Variants in PXK observed in about 807,000 individuals in gnomAD.
PXK encodes PX domain containing serine/threonine kinase like.
Under a neutral mutation model 84.7 loss-of-function variants are expected in PXK, and 35 were observed. That is an observed-to-expected ratio of 0.41 (90% CI 0.32 to 0.55). PXK has a LOEUF of 0.55. Among genes scored for constraint, PXK ranks in the 20% least tolerant of loss-of-function variants. PXK has a pLI of 0.21. For synonymous variants in PXK, 253 were observed against 260.8 expected, an observed-to-expected ratio of 0.97 and a Z score of 0.29; for missense variants, 634 against 699.7, an observed-to-expected ratio of 0.91 and a Z score of 1.06.
intron 1 of PXK, among the ~76,000 whole-genome samples, chr3:58,335,228 C>A (rs1045560366): frequency 1.3e-5 from 2 of 152,064 alleles, no homozygotes; most frequent in African/African-American, 4.8e-5. Context: ...AATGGCAGTT[C>A]TTGTAGGGAT....
intron 13 of PXK, 56 bp downstream of exon 13, chr3:58,403,966 G>A (rs1307411945): frequency 8.0e-7 from 1 of 1,250,680 alleles, no homozygotes; most frequent in Non-Finnish European, 1.1e-6. Context: ...GACTTTGAAA[G>A]TTAGCTGTAT....
chr3:58,383,776 CTT>C lies in PXK; in HGVS notation c.388+1078_388+1079del, dbSNP rs2092061203. Among the ~76,000 whole-genome samples the C allele has an allele frequency of 1.3e-5, 2 of 152,198 alleles. No individual in the cohort carries two copies. Among genetic ancestry groups the C allele is most frequent in the Admixed American group, 1.3e-4 (2 of 15,280 alleles). ...TTAAAGAGAAACCATGCTTTAGAGA[CTT>C]TCTAAGTGGAACTATGGATATTGTT... On this transcript the variant is annotated intron_variant, in intron 4 of 17. Transcript: ENST00000356151. The surrounding 1 kb of genome is among the most constrained non-coding windows in gnomAD (Gnocchi z 4.0).
At chr3:58,377,323 T>C (rs1269757193) in intron 3 of PXK, among the ~76,000 whole-genome samples, 2 of 152,196 alleles carry the variant, frequency 1.3e-5, no homozygotes, top group African/African-American at 2.4e-5. Context: ...CCCAATTTAA[T>C]GGTTTAGATT....
At chr3:58,336,478 A>G (rs2097613633) in intron 1 of PXK, among the ~76,000 whole-genome samples, 1 of 152,212 alleles carries the variant, frequency 6.6e-6, no homozygotes, top group South Asian at 2.1e-4. Flanking sequence ...TGAAGCTTCT[A>G]TAAAATCAGA....
In PXK at chr3:58,421,165, G is replaced by A. The variant is rs887686622; in HGVS notation, c.1529-3587G>A. The A allele has an allele frequency of 3.0e-6, 3 of 985,282 alleles. No individual in the cohort carries two copies. Among genetic ancestry groups the A allele is most frequent in the African/African-American group, 1.7e-5 (1 of 57,224 alleles). The allele number at this position is 985,282 out of a possible 1,614,324, so 61.0% of individuals were successfully genotyped here. The stretch of plus-strand genomic sequence containing the variant: ...CTCCTGAGGGTGGCTGGTAAGTCTG[G>A]TGTTACCCTAGTGTGGTCTCATGGC... On this transcript the variant is annotated intron_variant, in intron 17 of 17. Transcript: ENST00000356151. This position sits in a 1 kb window ranked among gnomAD's most constrained non-coding sequence, Gnocchi z 5.5.
At chr3:58,406,784 T>TGACTACTCTA (rs2059480062) in intron 13 of PXK, among the ~76,000 whole-genome samples, 1 of 152,218 alleles carries the variant, frequency 6.6e-6, no homozygotes, top group South Asian at 2.1e-4. Flanking sequence ...TCTGTGATCT[T>TGACTACTCTA]GACTACTCTA....
rs1267524969 is a variant in PXK, at chr3:58,379,017, G to T, written c.202-3497G>T. On this transcript the variant is annotated intron_variant, in intron 3 of 17. Transcript: ENST00000356151. This position sits in a 1 kb window ranked among gnomAD's most constrained non-coding sequence, Gnocchi z 5.1. ...GGCTTACTGCAGCCTCCGCCTCCTGGGTTCAAGCAATTCTCCTGCCTCAGC... is the reference window on the plus strand; with the variant it reads ...GGCTTACTGCAGCCTCCGCCTCCTGTGTTCAAGCAATTCTCCTGCCTCAGC... Among the ~76,000 whole-genome samples, 1 of 151,316 alleles carries T rather than the reference G, an allele frequency of 6.6e-6. No homozygotes were observed. The highest frequency in any genetic ancestry group is 2.1e-4 in the South Asian group (1 of 4,774).
At chr3:58,422,986 C>T in intron 17 of PXK, 1 of 985,366 alleles carries the variant, frequency 1.0e-6, no homozygotes, top group Non-Finnish European at 1.2e-6. Flanking sequence ...TTCCACTGCC[C>T]TTTTCTGGCT....
At chr3:58,392,234 G>A (rs1472749415) in intron 7 of PXK, among the ~76,000 whole-genome samples, 2 of 152,114 alleles carry the variant, frequency 1.3e-5, no homozygotes, top group Admixed American at 6.5e-5. Flanking sequence ...AGGCAAAATA[G>A]CCATTTTTCT....
intron 2 of PXK, 113 bp downstream of exon 2, chr3:58,366,037 A>T: frequency 1.2e-6 from 1 of 853,676 alleles, no homozygotes; most frequent in Non-Finnish European, 1.8e-6. Context: ...CATAAATATA[A>T]ATCATGTTTC....
In PXK at chr3:58,398,293, T is replaced by C. The variant is rs1473459054; in HGVS notation, c.1102+571T>C. Among the ~76,000 whole-genome samples the C allele has an allele frequency of 2.0e-5, 3 of 152,126 alleles. No homozygotes were observed. Among genetic ancestry groups the C allele is most frequent in the Admixed American group, 2.0e-4 (3 of 15,262 alleles). ...GTGCATGCCTGTAATCCCAGCTTTT[T>C]GGGAGGCTGAGGCACGAGAATTGCT... is the stretch of plus-strand genomic sequence containing the variant. On this transcript the variant is annotated intron_variant, in intron 11 of 17. Coordinates refer to ENST00000356151, the MANE Select transcript of PXK (RefSeq NM_017771.5). This position sits in a 1 kb window ranked among gnomAD's most constrained non-coding sequence, Gnocchi z 4.5.
intron 1 of PXK, among the ~76,000 whole-genome samples, chr3:58,352,752 G>A (rs2097958805): frequency 6.6e-6 from 1 of 152,138 alleles, no homozygotes; most frequent in African/African-American, 2.4e-5. Context: ...GGATTTTGGA[G>A]TGCTTCTTTG....
chr3:58,417,264 T>C (rs1446090360), intron 17 of PXK, among the ~76,000 whole-genome samples: 6 of 152,198 alleles, frequency 3.9e-5, no homozygotes, highest in Admixed American at 2.0e-4. Flanking sequence ...ACTCTGGCCT[T>C]TGGCAGTTTG....
Position 58,395,114 on chromosome 3 carries a change from A to G in PXK, c.720+12A>G, listed in dbSNP as rs1448769159. ...ATCTGATCTACAAGGTACCTGTGCA[A>G]GTTCATGGTCATAAGGAATTCTCAA... On this transcript the variant is annotated intron_variant, in intron 8 of 17. Coordinates refer to ENST00000356151, the MANE Select transcript of PXK (RefSeq NM_017771.5). 1 of 1,575,552 alleles carries G rather than the reference A, an allele frequency of 6.3e-7. No homozygotes were observed. The highest frequency in any genetic ancestry group is 2.2e-5 in the East Asian group (1 of 44,564).
rs143985986 is a variant in PXK at position 58,414,159 on chromosome 3, TC to T, written c.1528+1197del. Reference sequence around the variant, plus strand: ...TATGGAGATACACTGTTTAGGCTGATCAGAAATGTCTGGTGATCTACTGCCC... The same window carrying T: ...TATGGAGATACACTGTTTAGGCTGATAGAAATGTCTGGTGATCTACTGCCC... On this transcript the variant is annotated intron_variant, in intron 17 of 17. Coordinates refer to ENST00000356151, the MANE Select transcript of PXK (RefSeq NM_017771.5). This position sits in a 1 kb window ranked among gnomAD's most constrained non-coding sequence, Gnocchi z 4.5. 37,994 of 152,196 alleles carry T rather than the reference TC, an allele frequency of 0.25. 6,237 individuals are homozygous for T. Among genetic ancestry groups the T allele is most frequent in the Non-Finnish European group, 0.36 (24,752 of 67,964 alleles). The allele number at this position is 152,196 out of a possible 1,614,324, so 9.4% of individuals were successfully genotyped here. A position where few individuals can be genotyped will look rare whatever the true frequency, so the allele number is the denominator to read the frequency against.
chr3:58,376,514 A>G (rs1347184119), intron 3 of PXK, among the ~76,000 whole-genome samples: 1 of 152,230 alleles, frequency 6.6e-6, no homozygotes, highest in East Asian at 1.9e-4. Context: ...ACCTATAGAC[A>G]ACATTAAGTG....
chr3:58,346,310 AG>A (rs1171135847), intron 1 of PXK, among the ~76,000 whole-genome samples: 1 of 152,090 alleles, frequency 6.6e-6, no homozygotes, highest in Non-Finnish European at 1.5e-5. Context: ...TGCAGTGGAA[AG>A]GGTGAAGGAA....
chr3:58,351,292 C>T (rs2097917626), intron 1 of PXK, among the ~76,000 whole-genome samples: 1 of 152,066 alleles, frequency 6.6e-6, no homozygotes. Flanking sequence ...CGGCAGCCTC[C>T]ATCTCCCTGG....
chr3:58,408,764 C>T (rs1264845897), intron 13 of PXK, among the ~76,000 whole-genome samples, 160 bp from the exon 14 acceptor site: 4 of 152,160 alleles, frequency 2.6e-5, no homozygotes, highest in Admixed American at 6.5e-5. Flanking sequence ...CCGCGTGATC[C>T]GCCCGCCTTG....
Sources: allele counts gnomAD v4.1 joint callset (sites outside exome capture counted in the v4.1 genomes callset), GRCh38; gene constraint gnomAD v4.1.1; non-coding constraint Gnocchi (gnomAD v3.1); transcripts MANE v1.5; gene names NCBI Gene and HGNC (gene_info 2026-07-23, HGNC 2026-07-21).